The following EPS8 variants were observed in gnomAD, a reference collection of about 807,000 sequenced individuals.
The protein encoded by EPS8 is epidermal growth factor receptor kinase substrate 8.
In EPS8, 42 loss-of-function variants were observed where a neutral mutation model predicts 103.8. The observed-to-expected ratio is 0.40, with a 90% CI of 0.32 to 0.52. The LOEUF (loss-of-function observed/expected upper bound fraction) is 0.52. Ranked by LOEUF, EPS8 falls within the 20% of genes least tolerant of loss-of-function variation. The probability of loss-of-function intolerance (pLI) is 0.40; values close to 1 mark genes in which losing one functional copy is unlikely to be tolerated. For synonymous variants in EPS8, 344 were observed against 344.6 expected (o/e 1.00, Z 0.02); for missense variants, 969 against 1,005.1 (o/e 0.96, Z 0.49).
intron 15 of EPS8, among the ~76,000 whole-genome samples, chr12:15,646,679 C>T (rs563211286): frequency 1.9e-4 from 29 of 151,902 alleles, no homozygotes; most frequent in African/African-American, 6.5e-4. Flanking sequence ...AAGCATTGAC[C>T]CTGTTTAAAT....
chr12:15,655,487 T>C (rs73053199), intron 12 of EPS8, among the ~76,000 whole-genome samples: 4 of 152,062 alleles, frequency 2.6e-5, no homozygotes, highest in Non-Finnish European at 5.9e-5. Context: ...GATGATACAG[T>C]GGTACTGGAA....
chr12:15,699,948 G>A (rs1946291178), intron 1 of EPS8, among the ~76,000 whole-genome samples: 1 of 152,212 alleles, frequency 6.6e-6, no homozygotes, highest in Admixed American at 6.5e-5. Flanking sequence ...GAGGTCAGGA[G>A]TTCAAGACCA....
At position 15,650,942 on chromosome 12, in the gene EPS8, G is replaced by A. The variant is rs1410929933; in HGVS notation, c.1315C>T (p.Pro439Ser). 7 of 1,613,934 alleles carry A rather than the reference G, an allele frequency of 4.3e-6. No individual in the cohort carries two copies. The African/African-American group carries it at 6.7e-5, about 15-fold the overall frequency. ...YVPRFRNGWEPPMLNFMGATM... is the reference protein window; with the variant it reads ...YVPRFRNGWESPMLNFMGATM... ...GCTCCCATAAAGTTCAGCATTGGGG[G>A]CTCCCAGCCATTGCGGAATCGTGGA... The change falls in exon 14 of 21, where the codon CCC (proline) becomes TCC (serine). Residue 439 changes from proline to serine, a missense_variant. Pro to Ser is a moderately conservative substitution (Grantham distance 74). Transcript: ENST00000281172.
intron 14 of EPS8, among the ~76,000 whole-genome samples, chr12:15,648,817 T>A (rs1206874169): frequency 6.6e-6 from 1 of 152,110 alleles, no homozygotes. Context: ...TTGCTTAGGG[T>A]TCAGAGGAAG....
intron 10 of EPS8, 39 bp from the exon 11 acceptor site, chr12:15,658,624 C>T: frequency 7.4e-7 from 1 of 1,343,042 alleles, no homozygotes; most frequent in Non-Finnish European, 1.1e-6. Flanking sequence ...AGAGCAAAAT[C>T]CAAGGAAATT....
rs149455769 is a variant in EPS8, at chr12:15,641,761, G to A, written c.1638C>T (p.Asn546=). ...CCTTTAGAACCGAGAGCTCACTGTT[G>A]TTCCTTGCTACAAAGTCATACTTGG... ...AKSKYDFVAR[N]NSELSVLKDD... Residue 546 remains asparagine, a synonymous_variant, in exon 16 of 21, where the codon AAC becomes AAT. Transcript: ENST00000281172. 2,241 of 1,599,644 alleles carry A rather than the reference G, an allele frequency of 1.4e-3. 6 individuals carry two copies. Among genetic ancestry groups the A allele is most frequent in the Non-Finnish European group, 1.5e-3 (1,785 of 1,171,428 alleles).
intron 1 of EPS8, among the ~76,000 whole-genome samples, chr12:15,689,298 G>A (rs188233426): frequency 1.3e-4 from 20 of 152,074 alleles, no homozygotes; most frequent in African/African-American, 4.8e-4. Flanking sequence ...GAAAGGAAGA[G>A]TATTTACTGA....
chr12:15,643,188 T>C (rs529419501), intron 15 of EPS8, among the ~76,000 whole-genome samples: 47 of 152,176 alleles, frequency 3.1e-4, no homozygotes, highest in Non-Finnish European at 6.3e-4. Context: ...ACAGTAATTT[T>C]AGTGTTTTAT....
chr12:15,762,576 C>T lies in EPS8; in HGVS notation c.-22+26585G>A, dbSNP rs894876708. On this transcript the variant is annotated intron_variant, in intron 1 of 20. Coordinates refer to ENST00000281172, the MANE Select transcript of EPS8 (RefSeq NM_004447.6). This position sits in a 1 kb window ranked among gnomAD's most constrained non-coding sequence, Gnocchi z 4.8. ...ATGAATGGATAAAGTAAATGTGGTA[C>T]TTATACACAATGGAGTACTATTCAT... Among the ~76,000 whole-genome samples, 39 of 152,116 alleles carry T rather than the reference C, an allele frequency of 2.6e-4. No homozygotes were observed. Among genetic ancestry groups the T allele is most frequent in the African/African-American group, 9.2e-4 (38 of 41,434 alleles).
chr12:15,739,004 G>A (rs1946793310), intron 1 of EPS8, among the ~76,000 whole-genome samples: 1 of 152,190 alleles, frequency 6.6e-6, no homozygotes, highest in South Asian at 2.1e-4. Flanking sequence ...ATATAGCACA[G>A]ACTACATCCC....
chr12:15,734,189 T>G lies in EPS8; in HGVS notation c.-21-51217A>C, dbSNP rs982018145. ...ATAGATTAACAATGCCTTCAAAAAT[T>G]TTCAAGTGATGTGTAGTTCTAAAAA... On this transcript the variant is annotated intron_variant, in intron 1 of 20. Transcript: ENST00000281172. This position sits in a 1 kb window ranked among gnomAD's most constrained non-coding sequence, Gnocchi z 4.1. Among the ~76,000 whole-genome samples, 2 of 152,112 alleles carry G rather than the reference T, an allele frequency of 1.3e-5. No homozygotes were observed. The highest frequency in any genetic ancestry group is 2.4e-5 in the African/African-American group (1 of 41,420).
At chr12:15,686,818 C>G (rs981168070) in intron 1 of EPS8, among the ~76,000 whole-genome samples, 1 of 152,108 alleles carries the variant, frequency 6.6e-6, no homozygotes, top group African/African-American at 2.4e-5. Context: ...ACTACTTACC[C>G]AATCTTGCTG....
rs1225898834 is a variant in EPS8 at position 15,769,944 on chromosome 12, T to A, written c.-22+19217A>T. 1.3e-5 allele frequency among the ~76,000 whole-genome samples: 2 copies of A among 151,884 alleles called. No individual in the cohort carries two copies. The highest frequency in any genetic ancestry group is 2.9e-5 in the Non-Finnish European group (2 of 67,970). ...ATTTTCATGTTTTTTTAATTAGGTT[T>A]TTTTTTTTCTTTTTTGAGACTAGGG... is the stretch of plus-strand genomic sequence containing the variant. On this transcript the variant is annotated intron_variant, in intron 1 of 20. Transcript: ENST00000281172. The surrounding 1 kb of genome is among the most constrained non-coding windows in gnomAD (Gnocchi z 4.6).
At position 15,781,582 on chromosome 12, in the gene EPS8, T is replaced by C. The variant is rs1947261356; in HGVS notation, c.-22+7579A>G. 6.6e-6 allele frequency among the ~76,000 whole-genome samples: 1 copy of C among 152,236 alleles called. No homozygotes were observed. Among genetic ancestry groups the C allele is most frequent in the African/African-American group, 2.4e-5 (1 of 41,462 alleles). On this transcript the variant is annotated intron_variant, in intron 1 of 20. Transcript: ENST00000281172. The surrounding 1 kb of genome is among the most constrained non-coding windows in gnomAD (Gnocchi z 4.1). Reference sequence around the variant, plus strand: ...ACCTGCCACACAAAAGGTACTATTATTATGTGAGCTGCTCCACCTGCTTCT... The same window carrying C: ...ACCTGCCACACAAAAGGTACTATTACTATGTGAGCTGCTCCACCTGCTTCT...
At chr12:15,657,542 T>C (rs1945529362) in intron 12 of EPS8, among the ~76,000 whole-genome samples, 1 of 152,206 alleles carries the variant, frequency 6.6e-6, no homozygotes, top group Non-Finnish European at 1.5e-5. Context: ...TTTTTGTCTG[T>C]TTTGTTCCTG....
In EPS8 at chr12:15,752,485, C is replaced by T. The variant is rs1946943461; in HGVS notation, c.-22+36676G>A. Among the ~76,000 whole-genome samples, 3 of 151,856 alleles carry T rather than the reference C, an allele frequency of 2.0e-5. No individual in the cohort carries two copies. Among genetic ancestry groups the T allele is most frequent in the Admixed American group, 2.0e-4 (3 of 15,236 alleles). Reference sequence around the variant, plus strand: ...AAACAAAAAAAATAAAAATAAATTCCCCTAAAGAGCTGGCCCCTCTAGCCT... The same window carrying T: ...AAACAAAAAAAATAAAAATAAATTCTCCTAAAGAGCTGGCCCCTCTAGCCT... On this transcript the variant is annotated intron_variant, in intron 1 of 20. Transcript: ENST00000281172. This position sits in a 1 kb window ranked among gnomAD's most constrained non-coding sequence, Gnocchi z 4.4.
In EPS8 at chr12:15,769,463, TA is replaced by T. The variant is rs1947130546; in HGVS notation, c.-22+19697del. Among the ~76,000 whole-genome samples, 4 of 152,210 alleles carry T rather than the reference TA, an allele frequency of 2.6e-5. No homozygotes were observed. The South Asian group carries it at 8.3e-4, about 32-fold the overall frequency. On this transcript the variant is annotated intron_variant, in intron 1 of 20. Transcript: ENST00000281172. The surrounding 1 kb of genome is among the most constrained non-coding windows in gnomAD (Gnocchi z 4.6). ...AGAGTTTTATGAAAAATAAGCAAAC[TA>T]GCATTACAGTTATTACTCAACTTTG...
In EPS8 at chr12:15,647,102, C is replaced by A. The variant is rs367588086; in HGVS notation, c.1568+25G>T. 11 of 1,605,894 alleles carry A rather than the reference C, an allele frequency of 6.8e-6. No homozygotes were observed. In the African/African-American group the frequency reaches 1.5e-4, roughly 21 times the overall value. Reference sequence around the variant, plus strand: ...ATCAGAGACATTTATCCACAGCTCTCCAAAGGGTGCCCATTAAATGTTACC... The same window carrying A: ...ATCAGAGACATTTATCCACAGCTCTACAAAGGGTGCCCATTAAATGTTACC... On this transcript the variant is annotated intron_variant, in intron 15 of 20. Transcript: ENST00000281172.
Position 15,771,722 on chromosome 12 carries a change from A to T in EPS8, c.-22+17439T>A, listed in dbSNP as rs1271814815. ...CAGAACAAGACTGTCTCTTAAAAAA[A>T]AAAAGAAAAGAAAAAGAAAAGAAAT... On this transcript the variant is annotated intron_variant, in intron 1 of 20. Transcript: ENST00000281172. This position sits in a 1 kb window ranked among gnomAD's most constrained non-coding sequence, Gnocchi z 4.6. Among the ~76,000 whole-genome samples the T allele has an allele frequency of 2.0e-5, 3 of 152,034 alleles. No homozygotes were observed. The highest frequency in any genetic ancestry group is 7.2e-5 in the African/African-American group (3 of 41,426).
Sources: allele counts gnomAD v4.1 joint callset (sites outside exome capture counted in the v4.1 genomes callset), GRCh38; gene constraint gnomAD v4.1.1; non-coding constraint Gnocchi (gnomAD v3.1); transcripts MANE v1.5; gene names NCBI Gene and HGNC (gene_info 2026-07-23, HGNC 2026-07-21).